Variants in NFKB1 observed in about 807,000 individuals in gnomAD.
The protein encoded by NFKB1 is nuclear factor kappa B subunit 1.
NFKB1 carries 9 observed loss-of-function variants against 105.1 expected under a neutral mutation model. The observed-to-expected ratio is 0.09, with a 90% CI of 0.05 to 0.15. NFKB1 has a LOEUF of 0.15. Among genes scored for constraint, NFKB1 ranks in the 10% least tolerant of loss-of-function variants. NFKB1 has a pLI of 1.00. For missense variants in NFKB1, 830 were observed against 1,203.7 expected, an observed-to-expected ratio of 0.69 and a Z score of 4.59; for synonymous variants, 440 against 442.2, an observed-to-expected ratio of 1.00 and a Z score of 0.06.
At chr4:102,514,645 C>G (rs994220567) in intron 1 of NFKB1, among the ~76,000 whole-genome samples, 12 of 152,184 alleles carry the variant, frequency 7.9e-5, no homozygotes, top group African/African-American at 2.9e-4. Context: ...TCCTGACACT[C>G]TGTTGATTTG....
At chr4:102,562,089 G>T (rs993489613) in intron 5 of NFKB1, among the ~76,000 whole-genome samples, 1 of 152,108 alleles carries the variant, frequency 6.6e-6, no homozygotes, top group African/African-American at 2.4e-5. Flanking sequence ...ATCCTGAGAC[G>T]TGATAATGGG....
intron 1 of NFKB1, among the ~76,000 whole-genome samples, chr4:102,523,729 A>G (rs1740716834): frequency 6.6e-6 from 1 of 152,110 alleles, no homozygotes; most frequent in Admixed American, 6.6e-5. Context: ...TAGGCTATTA[A>G]TCATCATGTT....
At chr4:102,564,102 G>A (rs927638778) in intron 5 of NFKB1, among the ~76,000 whole-genome samples, 1 of 151,880 alleles carries the variant, frequency 6.6e-6, no homozygotes, top group Non-Finnish European at 1.5e-5. Context: ...TTACAGGCAT[G>A]AGCCACCACG....
Position 102,582,891 on chromosome 4 carries a change from A to G in NFKB1, c.861A>G (p.Glu287=). The G allele has an allele frequency of 6.2e-7, 1 of 1,612,450 alleles. No individual in the cohort carries two copies. Among genetic ancestry groups the G allele is most frequent in the East Asian group, 2.2e-5 (1 of 44,856 alleles). The change falls in exon 10 of 24, where the codon GAA becomes GAG. Residue 287 remains glutamate, a synonymous_variant. Coordinates refer to ENST00000226574, the MANE Select transcript of NFKB1 (RefSeq NM_003998.4). Reference sequence around the variant, plus strand: ...ATGACATCCAGATTCGATTTTATGAAGAGGAAGAAAATGGTGGAGTCTGGG... The same window carrying G: ...ATGACATCCAGATTCGATTTTATGAGGAGGAAGAAAATGGTGGAGTCTGGG... The part of the protein sequence containing the change: ...QKDDIQIRFY[E]EEENGGVWEG...
chr4:102,594,963 A>G lies in NFKB1; in HGVS notation c.1282A>G (p.Asn428Asp), dbSNP rs1726485508. Reference sequence around the variant, plus strand: ...TTTCCATCCTGGAACTACTAAATCTAATGCTGGGATGAAGCATGGTAAGTA... The same window carrying G: ...TTTCCATCCTGGAACTACTAAATCTGATGCTGGGATGAAGCATGGTAAGTA... ...ITFHPGTTKS[N>D]AGMKHGTMDT... The change falls in exon 13 of 24, where the codon AAT becomes GAT. Residue 428 changes from asparagine (N) to aspartate (D), a missense_variant. Physicochemically the swap from Asn to Asp is conservative, Grantham distance 23 (BLOSUM62 1). Around this residue, in one of 8 missense-constraint regions of NFKB1, gnomAD observed 163 missense variants for 164.3 expected, o/e 0.99. Coordinates refer to ENST00000226574, the MANE Select transcript of NFKB1 (RefSeq NM_003998.4). The G allele has an allele frequency of 6.2e-7, 1 of 1,608,428 alleles. No individual in the cohort carries two copies. The highest frequency in any genetic ancestry group is 8.5e-7 in the Non-Finnish European group (1 of 1,175,876).
intron 5 of NFKB1, among the ~76,000 whole-genome samples, chr4:102,564,618 C>T (rs1013209679): frequency 1.3e-5 from 2 of 152,218 alleles, no homozygotes; most frequent in Non-Finnish European, 2.9e-5. Flanking sequence ...TGCCACCCTT[C>T]AGCCATGAAG....
At chr4:102,521,191 A>T (rs565777571) in intron 1 of NFKB1, among the ~76,000 whole-genome samples, 3 of 152,310 alleles carry the variant, frequency 2.0e-5, no homozygotes, top group African/African-American at 7.2e-5. Flanking sequence ...GATAATTTTT[A>T]AGTACAAATT....
At chr4:102,611,995 A>C (rs759587600) in intron 20 of NFKB1, 49 bp from the exon 21 acceptor site, 1 of 1,454,636 alleles carries the variant, frequency 6.9e-7, no homozygotes, top group African/African-American at 1.4e-5. Flanking sequence ...AGACTGCCCT[A>C]GTGGTCCCTT....
intron 3 of NFKB1, among the ~76,000 whole-genome samples, chr4:102,532,923 T>C (rs1032999683): frequency 6.6e-6 from 1 of 152,214 alleles, no homozygotes; most frequent in African/African-American, 2.4e-5. Context: ...TTAAGGACTT[T>C]TTCATATTGA....
At chr4:102,533,961 T>C in intron 4 of NFKB1, 76 bp downstream of exon 4, 12 of 1,253,608 alleles carry the variant, frequency 9.6e-6, no homozygotes, top group Non-Finnish European at 1.4e-5. Context: ...TGAAGAATAG[T>C]AAATGAGTTC....
chr4:102,567,394 T>G (rs1337507762), intron 6 of NFKB1, among the ~76,000 whole-genome samples: 1 of 152,228 alleles, frequency 6.6e-6, no homozygotes, highest in African/African-American at 2.4e-5. Flanking sequence ...TGGCCCAATT[T>G]GGATGATCAC....
intron 1 of NFKB1, among the ~76,000 whole-genome samples, chr4:102,513,839 G>A (rs1171120985): frequency 2.6e-5 from 4 of 151,964 alleles, no homozygotes; most frequent in South Asian, 2.1e-4. Flanking sequence ...GGCTCGGGAC[G>A]TGGTCTATCT....
intron 5 of NFKB1, among the ~76,000 whole-genome samples, chr4:102,559,714 G>T (rs1265795704): frequency 6.6e-6 from 1 of 151,924 alleles, no homozygotes; most frequent in Admixed American, 6.6e-5. Flanking sequence ...GGCTTAGGTG[G>T]GAAGCTCCCT....
chr4:102,606,890 T>G lies in NFKB1; in HGVS notation c.1954+193T>G, dbSNP rs558611222. On this transcript the variant is annotated intron_variant, in intron 17 of 23. Coordinates refer to ENST00000226574, the MANE Select transcript of NFKB1 (RefSeq NM_003998.4). Reference sequence around the variant, plus strand: ...TTTAAAGATGATTTGGAATAGTTAGTAGGAGGAGAAAGCAGAGGCCTGAGT... The same window carrying G: ...TTTAAAGATGATTTGGAATAGTTAGGAGGAGGAGAAAGCAGAGGCCTGAGT... 6.7e-4 allele frequency among the ~76,000 whole-genome samples: 102 copies of G among 152,190 alleles called. 1 individual carries two copies. The highest frequency in any genetic ancestry group is 6.3e-4 in the Non-Finnish European group (43 of 68,034).
chr4:102,611,876 G>A (rs1309848828), intron 20 of NFKB1, among the ~76,000 whole-genome samples, 168 bp from the exon 21 acceptor site: 2 of 152,164 alleles, frequency 1.3e-5, no homozygotes, highest in Non-Finnish European at 2.9e-5. Context: ...TTCCCCCAAA[G>A]GGTACCATAT....
chr4:102,570,093 G>C (rs1417302345), intron 6 of NFKB1, among the ~76,000 whole-genome samples: 1 of 152,082 alleles, frequency 6.6e-6, no homozygotes, highest in Non-Finnish European at 1.5e-5. Context: ...TCACTTACCA[G>C]TAATCACCAC....
Position 102,610,712 on chromosome 4 carries a change from C to T in NFKB1, c.2352+13C>T. 6.2e-7 allele frequency: 1 copy of T among 1,613,152 alleles called. No homozygotes were observed. The highest frequency in any genetic ancestry group is 8.5e-7 in the Non-Finnish European group (1 of 1,179,392). On this transcript the variant is annotated intron_variant, in intron 20 of 23. Transcript: ENST00000226574. ...CACCAGCTGGCAGGTGAGTGCCGCT[C>T]CATCTGTCTGATGGCTGCCCCTGAG...
rs575532395 is a variant in NFKB1 at position 102,534,258 on chromosome 4, G to A, written c.159+373G>A. ...TGCATACAGTTCACATGCACTGAGC[G>A]ATATCCATCTATTATCCTTGCACAT... On this transcript the variant is annotated intron_variant, in intron 4 of 23. Transcript: ENST00000226574. Among the ~76,000 whole-genome samples the A allele has an allele frequency of 1.4e-4, 21 of 152,260 alleles. 1 individual carries two copies. Among genetic ancestry groups the A allele is most frequent in the East Asian group, 9.6e-4 (5 of 5,188 alleles).
chr4:102,593,702 C>G, intron 12 of NFKB1, 134 bp downstream of exon 12: 3 of 809,404 alleles, frequency 3.7e-6, no homozygotes, highest in Non-Finnish European at 5.2e-6. Flanking sequence ...AATTTCCTGA[C>G]AAATGTAAAT....
Sources: gnomAD v4.1 joint callset for allele counts (sites outside exome capture counted in the v4.1 genomes callset) on GRCh38, gnomAD v4.1.1 for gene constraint, gnomAD v4.1.1 regional missense constraint, MANE v1.5 for transcripts, NCBI Gene and HGNC (gene_info 2026-07-23, HGNC 2026-07-21) for gene names.